Variants in ZC3H12B observed in about 807,000 individuals in gnomAD.
ZC3H12B encodes the protein zinc finger CCCH-type containing 12B.
Under a neutral mutation model 43.9 loss-of-function variants are expected in ZC3H12B, and 7 were observed. That is an observed-to-expected ratio of 0.16 (90% CI 0.09 to 0.30). The LOEUF (loss-of-function observed/expected upper bound fraction) is 0.30, where lower values mean the gene tolerates loss of function less well. ZC3H12B is among the 10% of genes least tolerant of loss of function. ZC3H12B has a pLI of 1.00. For synonymous variants in ZC3H12B, 222 were observed against 241.7 expected (o/e 0.92, Z 0.76); for missense variants, 475 against 670.2 (o/e 0.71, Z 3.22).
At chrX:65,153,609 G>A in the ZC3H12B span, among the ~76,000 whole-genome samples, 1 of 111,919 alleles carries the variant, frequency 8.9e-6, no homozygotes, top group Non-Finnish European at 1.9e-5. Flanking sequence ...TGGAGAAATA[G>A]GAACACTTTT....
In ZC3H12B at chrX:65,489,397, AT is replaced by A; in HGVS notation, c.597del (p.Asn199LysfsTer4). 8.3e-7 allele frequency: 1 copy of A among 1,197,785 alleles called. No homozygotes were observed. On this transcript the variant is annotated frameshift_variant, in exon 1 of 5. Transcript: ENST00000338957. LOFTEE classifies it high-confidence loss of function. The stretch of plus-strand genomic sequence containing the variant: ...AGGCCAGTTGTCATTGATGGAAGTA[AT>A]GTGGCAATGAGGTAAGCCTGGTATG...
the ZC3H12B span, among the ~76,000 whole-genome samples, chrX:65,257,103 G>A: frequency 8.9e-6 from 1 of 112,138 alleles, no homozygotes; most frequent in African/African-American, 3.2e-5. Flanking sequence ...CCATTACTGG[G>A]TATATACCCA....
intron 3 of ZC3H12B, among the ~76,000 whole-genome samples, chrX:65,429,646 A>G (rs1423221617): frequency 1.8e-5 from 2 of 111,645 alleles, no homozygotes; most frequent in Non-Finnish European, 3.8e-5. Flanking sequence ...AACTGAAGAG[A>G]CTGTTCACCA....
the ZC3H12B span, among the ~76,000 whole-genome samples, chrX:65,069,904 A>G: frequency 9.0e-6 from 1 of 111,481 alleles, no homozygotes. Flanking sequence ...ATTGGCCTGA[A>G]GTTTTATTTT....
intron 3 of ZC3H12B, among the ~76,000 whole-genome samples, chrX:65,438,949 C>T (rs767147452): frequency 3.2e-4 from 36 of 112,879 alleles, no homozygotes; most frequent in Non-Finnish European, 5.6e-4. Flanking sequence ...ACATGTCTCC[C>T]TTCTTTGATT....
chrX:65,338,157 G>T, the ZC3H12B span, among the ~76,000 whole-genome samples: 1 of 110,665 alleles, frequency 9.0e-6, no homozygotes, highest in Non-Finnish European at 1.9e-5. Flanking sequence ...TTTTTTTCTT[G>T]TAGCAGGTAT....
At chrX:65,415,740 T>C (rs2066952837) in intron 3 of ZC3H12B, among the ~76,000 whole-genome samples, 1 of 112,273 alleles carries the variant, frequency 8.9e-6, no homozygotes. Context: ...GTTTTACAAA[T>C]TTAATTAACT....
chrX:65,081,896 C>CA, the ZC3H12B span, among the ~76,000 whole-genome samples: 1 of 111,385 alleles, frequency 9.0e-6, no homozygotes, highest in South Asian at 3.7e-4. Flanking sequence ...AAACAAGTCT[C>CA]AAAAAATTGA....
At chrX:65,225,749 G>A in the ZC3H12B span, among the ~76,000 whole-genome samples, 2 of 112,299 alleles carry the variant, frequency 1.8e-5, no homozygotes, top group Non-Finnish European at 3.8e-5. Flanking sequence ...AGGAGCCGAT[G>A]TGATCAACTG....
chrX:65,087,852 C>A, the ZC3H12B span, among the ~76,000 whole-genome samples: 1 of 111,908 alleles, frequency 8.9e-6, no homozygotes, highest in Non-Finnish European at 1.9e-5. Flanking sequence ...ATATTTCATA[C>A]CGTGAGTTGA....
chrX:65,273,366 C>T, the ZC3H12B span, among the ~76,000 whole-genome samples: 1 of 109,805 alleles, frequency 9.1e-6, no homozygotes, highest in East Asian at 2.9e-4. Flanking sequence ...AGAAGAAATG[C>T]CAGTGTAGTA....
At chrX:65,391,780 A>T (rs963153565) in intron 2 of ZC3H12B, among the ~76,000 whole-genome samples, 1 of 109,980 alleles carries the variant, frequency 9.1e-6, no homozygotes, top group African/African-American at 3.3e-5. Context: ...CCTCTCCCTC[A>T]TCTCCGTCTT....
At chrX:65,346,483 A>T in the ZC3H12B span, among the ~76,000 whole-genome samples, 409 of 111,760 alleles carry the variant, frequency 3.7e-3, 2 homozygotes, top group African/African-American at 0.012. Context: ...ACTCAAGATG[A>T]TTCAAAGATT....
the ZC3H12B span, among the ~76,000 whole-genome samples, chrX:65,196,207 A>T: frequency 9.7e-6 from 1 of 103,175 alleles, no homozygotes; most frequent in Non-Finnish European, 2.0e-5. Context: ...GGGTCTGCAG[A>T]AACAGTCCCC....
chrX:65,343,365 T>C, the ZC3H12B span, among the ~76,000 whole-genome samples: 1 of 111,552 alleles, frequency 9.0e-6, no homozygotes, highest in African/African-American at 3.3e-5. Flanking sequence ...CTGTCAAAGA[T>C]ACAGCAACAA....
chrX:65,175,311 C>T, the ZC3H12B span, among the ~76,000 whole-genome samples: 12 of 111,922 alleles, frequency 1.1e-4, no homozygotes, highest in Non-Finnish European at 2.3e-4. Context: ...CAGAGCAGAG[C>T]TGTTCCTTTG....
the ZC3H12B span, among the ~76,000 whole-genome samples, chrX:65,038,501 A>C: frequency 1.1e-4 from 12 of 111,806 alleles, no homozygotes; most frequent in African/African-American, 3.6e-4. Flanking sequence ...TGGAGAAGGC[A>C]TTGGAGTAAA....
chrX:65,304,594 G>A, the ZC3H12B span, among the ~76,000 whole-genome samples: 2 of 104,194 alleles, frequency 1.9e-5, no homozygotes, highest in Non-Finnish European at 3.9e-5. Flanking sequence ...CCAGCCTGGG[G>A]GACAGAGCGA....
At chrX:65,226,508 CAG>C in the ZC3H12B span, among the ~76,000 whole-genome samples, 5 of 111,656 alleles carry the variant, frequency 4.5e-5, no homozygotes, top group African/African-American at 1.3e-4. Context: ...ATCATAATGA[CAG>C]TATCAAATTC....
Sources: allele counts gnomAD v4.1 joint callset (sites outside exome capture counted in the v4.1 genomes callset), GRCh38; gene constraint gnomAD v4.1.1; transcripts MANE v1.5; gene names NCBI Gene and HGNC (gene_info 2026-07-23, HGNC 2026-07-21).